The following EBF2 variants were observed in gnomAD, a reference collection of about 807,000 sequenced individuals.
EBF2 encodes the protein EBF transcription factor 2.
EBF2 carries 21 observed loss-of-function variants against 72.8 expected under a neutral mutation model. That is an observed-to-expected ratio of 0.29 (90% CI 0.20 to 0.42). The LOEUF (loss-of-function observed/expected upper bound fraction) is 0.42. Among genes scored for constraint, EBF2 ranks in the 10% least tolerant of loss-of-function variants. The pLI is 1.00. For synonymous variants in EBF2, 299 were observed against 274.2 expected, an observed-to-expected ratio of 1.09 and a Z score of -0.89; for missense variants, 637 against 731.2, an observed-to-expected ratio of 0.87 and a Z score of 1.49.
At chr8:25,926,229 TG>T (rs1401528553) in intron 6 of EBF2, among the ~76,000 whole-genome samples, 1 of 152,072 alleles carries the variant, frequency 6.6e-6, no homozygotes, top group East Asian at 1.9e-4. Flanking sequence ...TATGGTGGCC[TG>T]GTTGAGAAGT....
chr8:25,901,318 G>T (rs1369018718), intron 7 of EBF2, among the ~76,000 whole-genome samples: 1 of 151,766 alleles, frequency 6.6e-6, no homozygotes, highest in Non-Finnish European at 1.5e-5. Context: ...GCTACTTAAG[G>T]GGCTGAGGTG....
At position 25,844,401 on chromosome 8, in the gene EBF2, C is replaced by T; in HGVS notation, c.*208G>A. 1 of 555,960 alleles carries T rather than the reference C, an allele frequency of 1.8e-6. No homozygotes were observed. The highest frequency in any genetic ancestry group is 3.2e-6 in the Non-Finnish European group (1 of 311,724). The allele number at this position is 555,960 out of a possible 1,614,324, so 34.4% of individuals were successfully genotyped here. ...GACTACGTCAATGACATCTTTTGTC[C>T]TTGTCCCAAGAGGGTCAGTTTGTGT... is the stretch of plus-strand genomic sequence containing the variant. On this transcript the variant is annotated 3_prime_UTR_variant, in exon 16 of 16. Transcript: ENST00000520164.
At chr8:25,999,491 T>A (rs1804686904) in intron 6 of EBF2, among the ~76,000 whole-genome samples, 1 of 152,170 alleles carries the variant, frequency 6.6e-6, no homozygotes, top group Admixed American at 6.5e-5. Context: ...ACTTGCAATT[T>A]TTTTTCCTAT....
Position 26,040,505 on chromosome 8 carries a change from T to C in EBF2, c.408+111A>G, listed in dbSNP as rs912364211. Reference sequence around the variant, plus strand: ...TGGGAGGGGGACGTGGAGGGGGCTGTGGAGTCTGACCCAGGAAATCGTGGA... The same window carrying C: ...TGGGAGGGGGACGTGGAGGGGGCTGCGGAGTCTGACCCAGGAAATCGTGGA... On this transcript the variant is annotated intron_variant, in intron 4 of 15. Coordinates refer to ENST00000520164, the MANE Select transcript of EBF2 (RefSeq NM_022659.4). 6.1e-6 allele frequency: 6 copies of C among 980,988 alleles called. No individual in the cohort carries two copies. The African/African-American group carries it at 1.1e-4, about 17-fold the overall frequency. The allele number at this position is 980,988 out of a possible 1,614,324, so 60.8% of individuals were successfully genotyped here. A position where few individuals can be genotyped will look rare whatever the true frequency, so the allele number is the denominator to read the frequency against.
rs141293884 is a variant in EBF2 at position 25,845,026 on chromosome 8, C to T, written c.1697-386G>A. ...ACTGCTCCAAATCACTTAGTTGGAA[C>T]AGGAAAGGAAATTCCAGGTGCTGAG... On this transcript the variant is annotated intron_variant, in intron 15 of 15. Coordinates refer to ENST00000520164, the MANE Select transcript of EBF2 (RefSeq NM_022659.4). Among the ~76,000 whole-genome samples, 123 of 152,220 alleles carry T rather than the reference C, an allele frequency of 8.1e-4. 2 individuals are homozygous for T. Among genetic ancestry groups the T allele is most frequent in the African/African-American group, 2.9e-3 (120 of 41,538 alleles).
In EBF2 at chr8:25,947,156, C is replaced by T. The variant is rs556940988; in HGVS notation, c.552-38601G>A. On this transcript the variant is annotated intron_variant, in intron 6 of 15. Coordinates refer to ENST00000520164, the MANE Select transcript of EBF2 (RefSeq NM_022659.4). ...AAATCTCATCTTGAATTGTAGCTTC[C>T]ATAATCCTCATGTGTCATGGAAGGG... 2.0e-5 allele frequency among the ~76,000 whole-genome samples: 3 copies of T among 152,228 alleles called. No homozygotes were observed. The South Asian group carries it at 6.2e-4, about 32-fold the overall frequency.
At chr8:25,943,366 C>G (rs1008279492) in intron 6 of EBF2, among the ~76,000 whole-genome samples, 1 of 150,362 alleles carries the variant, frequency 6.7e-6, no homozygotes, top group Middle Eastern at 3.2e-3. Context: ...AAAATTTAGT[C>G]GGGCATGCTG....
chr8:25,844,789 C>T, intron 15 of EBF2, 149 bp from the exon 16 acceptor site: 1 of 983,956 alleles, frequency 1.0e-6, no homozygotes, highest in South Asian at 1.5e-5. Flanking sequence ...ACCTGTTCTC[C>T]AGGTTTGGTC....
intron 6 of EBF2, among the ~76,000 whole-genome samples, chr8:25,953,144 G>A (rs545949237): frequency 2.0e-5 from 3 of 152,314 alleles, no homozygotes; most frequent in African/African-American, 7.2e-5. Flanking sequence ...GACCATGTGT[G>A]CTTCACAGCT....
chr8:25,847,042 A>T (rs533748817), intron 15 of EBF2, among the ~76,000 whole-genome samples: 77 of 152,314 alleles, frequency 5.1e-4, no homozygotes, highest in Admixed American at 4.2e-3. Flanking sequence ...AAGCTCTGGA[A>T]TCTGCATGTC....
At chr8:25,971,706 A>G (rs1427960821) in intron 6 of EBF2, among the ~76,000 whole-genome samples, 1 of 152,268 alleles carries the variant, frequency 6.6e-6, no homozygotes, top group African/African-American at 2.4e-5. Context: ...TTACTGGCTA[A>G]GTATAATGAT....
rs765626130 is a variant in EBF2 at position 25,974,458 on chromosome 8, GA to G, written c.551+58626del. Among the ~76,000 whole-genome samples the G allele has an allele frequency of 2.6e-5, 4 of 152,180 alleles. 1 individual carries two copies. Among genetic ancestry groups the G allele is most frequent in the Admixed American group, 1.3e-4 (2 of 15,282 alleles). ...GGAGAAGTATCCCAGTTATCAAAGTGAAAACTTCTATCCTTTTACCTGATTG... is the reference window on the plus strand; with the variant it reads ...GGAGAAGTATCCCAGTTATCAAAGTGAAACTTCTATCCTTTTACCTGATTG... On this transcript the variant is annotated intron_variant, in intron 6 of 15. Transcript: ENST00000520164.
At chr8:25,920,460 A>G (rs1014046742) in intron 6 of EBF2, among the ~76,000 whole-genome samples, 5 of 152,208 alleles carry the variant, frequency 3.3e-5, no homozygotes, top group African/African-American at 1.2e-4. Flanking sequence ...ACCTATTGAC[A>G]GGCAAGAGGT....
intron 7 of EBF2, among the ~76,000 whole-genome samples, chr8:25,891,473 T>TA (rs1366269292): frequency 1.3e-5 from 2 of 152,192 alleles, no homozygotes; most frequent in Non-Finnish European, 2.9e-5. Context: ...GAGTCGTGTT[T>TA]AAAAATGACT....
intron 6 of EBF2, among the ~76,000 whole-genome samples, chr8:25,913,425 G>A (rs1354166499): frequency 1.3e-5 from 2 of 152,064 alleles, no homozygotes; most frequent in African/African-American, 4.8e-5. Context: ...TGGTGACAAA[G>A]TGAGACCCCG....
intron 6 of EBF2, among the ~76,000 whole-genome samples, chr8:25,966,065 C>A (rs564771671): frequency 6.6e-6 from 1 of 152,194 alleles, no homozygotes; most frequent in Non-Finnish European, 1.5e-5. Context: ...GGACAGGTAA[C>A]GTTCAGCCAT....
chr8:25,965,418 G>T (rs1804099507), intron 6 of EBF2, among the ~76,000 whole-genome samples: 1 of 152,136 alleles, frequency 6.6e-6, no homozygotes, highest in Non-Finnish European at 1.5e-5. Flanking sequence ...CACCAACAAG[G>T]GCAAGGCTGA....
intron 6 of EBF2, among the ~76,000 whole-genome samples, chr8:25,999,046 A>G (rs957671547): frequency 1.3e-4 from 20 of 152,226 alleles, no homozygotes; most frequent in Non-Finnish European, 2.8e-4. Flanking sequence ...AGAAAGAGAG[A>G]AACTCAGGAT....
intron 6 of EBF2, among the ~76,000 whole-genome samples, chr8:26,007,819 C>G (rs184079940): frequency 6.6e-6 from 1 of 151,188 alleles, no homozygotes; most frequent in African/African-American, 2.4e-5. Context: ...CACATACACA[C>G]ACACACACTA....
Sources: gnomAD v4.1 joint callset for allele counts (sites outside exome capture counted in the v4.1 genomes callset) on GRCh38, gnomAD v4.1.1 for gene constraint, MANE v1.5 for transcripts, NCBI Gene and HGNC (gene_info 2026-07-23, HGNC 2026-07-21) for gene names.